NHLH1: variants seen among roughly 807,000 people sequenced by gnomAD.
NHLH1 encodes the protein helix-loop-helix protein 1.
In NHLH1, 3 loss-of-function variants were observed where a neutral mutation model predicts 6.7. That is an observed-to-expected ratio of 0.44 (90% confidence interval 0.20 to 1.15). NHLH1 has a LOEUF of 1.15. Among genes scored for constraint, NHLH1 ranks in the 50% most tolerant of loss-of-function variants. The pLI, the probability that NHLH1 is intolerant of heterozygous loss-of-function variation, is 0.26. For synonymous variants in NHLH1, 92 were observed against 84.2 expected (o/e 1.09, Z -0.51); for missense variants, 177 against 189.5 (o/e 0.93, Z 0.39).
rs754147376 is a variant in NHLH1, at chr1:160,370,923, G to A, written c.192G>A (p.Glu64=). 2 of 1,608,594 alleles carry A rather than the reference G, an allele frequency of 1.2e-6. No homozygotes were observed. Among genetic ancestry groups the A allele is most frequent in the South Asian group, 2.2e-5 (2 of 90,738 alleles). The change falls in exon 2 of 2, where the codon GAG becomes GAA. Residue 64 remains glutamate, a synonymous_variant. Coordinates refer to ENST00000302101, the MANE Select transcript of NHLH1 (RefSeq NM_005598.4). ...AAGACCTGCAGCATCTGAGCCGCGA[G>A]GAGCGCCGGCGCCGGCGCCGCGCCA... The part of the protein sequence containing the change: ...GRKDLQHLSR[E]ERRRRRRATA...
chr1:160,368,568 G>C lies in NHLH1; in HGVS notation c.-176+1231G>C, dbSNP rs370994957. Among the ~76,000 whole-genome samples, 3 of 152,332 alleles carry C rather than the reference G, an allele frequency of 2.0e-5. No homozygotes were observed. The East Asian group carries it at 5.8e-4, about 29-fold the overall frequency. On this transcript the variant is annotated intron_variant, in intron 1 of 1. Coordinates refer to ENST00000302101, the MANE Select transcript of NHLH1 (RefSeq NM_005598.4). ...GGCTGAAAATTTCGAAGACAGAGGT[G>C]GAGGAAGAGGCTGGTTGTGCACAGT...
Position 160,370,861 on chromosome 1 carries a change from C to G in NHLH1, c.130C>G (p.Gln44Glu), listed in dbSNP as rs1328090711. ...CGGGCCTGGGGGTCCGGGAGGGGGC[C>G]AGGCCCGAGGCCCAGAGCCGGGAGA... ...GAGPGGPGGG[Q>E]ARGPEPGEPG... is the part of the protein sequence containing the mutation. Residue 44 changes from glutamine to glutamate, a missense_variant, in exon 2 of 2, where the codon CAG becomes GAG. Coordinates refer to ENST00000302101, the MANE Select transcript of NHLH1 (RefSeq NM_005598.4). 2 of 1,605,676 alleles carry G rather than the reference C, an allele frequency of 1.2e-6. No homozygotes were observed. Among genetic ancestry groups the G allele is most frequent in the Non-Finnish European group, 1.7e-6 (2 of 1,176,628 alleles).
At chr1:160,367,969 A>C (rs931775450) in intron 1 of NHLH1, among the ~76,000 whole-genome samples, 2 of 152,062 alleles carry the variant, frequency 1.3e-5, no homozygotes, top group Admixed American at 1.3e-4. Flanking sequence ...CAGAATATGG[A>C]ATGTGTTCTC....
intron 1 of NHLH1, among the ~76,000 whole-genome samples, chr1:160,369,074 T>C (rs1036325552): frequency 9.9e-5 from 15 of 152,248 alleles, no homozygotes; most frequent in Non-Finnish European, 1.8e-4. Context: ...TGTATAATTC[T>C]ATACCCACTA....
At chr1:160,368,668 G>A (rs1179963422) in intron 1 of NHLH1, among the ~76,000 whole-genome samples, 1 of 152,192 alleles carries the variant, frequency 6.6e-6, no homozygotes, top group Non-Finnish European at 1.5e-5. Context: ...GTTCTGCTGG[G>A]AAGGTTTGGG....
Position 160,370,642 on chromosome 1 carries a change from C to T in NHLH1, c.-90C>T, listed in dbSNP as rs1411058971. 71 of 1,369,468 alleles carry T rather than the reference C, an allele frequency of 5.2e-5. No homozygotes were observed. In the East Asian group the frequency reaches 1.7e-3, roughly 33 times the overall value. The allele number at this position is 1,369,468 out of a possible 1,614,324, so 84.8% of individuals were successfully genotyped here. A position where few individuals can be genotyped will look rare whatever the true frequency, so the allele number is the denominator to read the frequency against. On this transcript the variant is annotated 5_prime_UTR_variant, in exon 2 of 2. Transcript: ENST00000302101. ...GGCAGACCCCACGACCCTTCCTCCC[C>T]CTTCCTCCCCCTCCCACCACCAGCT...
In NHLH1 at chr1:160,370,842, T is replaced by C; in HGVS notation, c.111T>C (p.Pro37=). The C allele has an allele frequency of 6.3e-7, 1 of 1,597,402 alleles. No homozygotes were observed. The highest frequency in any genetic ancestry group is 8.5e-7 in the Non-Finnish European group (1 of 1,172,946). ...GGGCGGGCCCTGATGGTGCCGGGCC[T>C]GGGGGTCCGGGAGGGGGCCAGGCCC... ...GGGAGPDGAG[P]GGPGGGQARG... is the part of the protein sequence containing the mutation. Residue 37 remains proline (P), a synonymous_variant, in exon 2 of 2, where the codon CCT becomes CCC. Transcript: ENST00000302101.
At position 160,370,596 on chromosome 1, in the gene NHLH1, C is replaced by T; in HGVS notation, c.-136C>T. 1.3e-6 allele frequency: 1 copy of T among 749,470 alleles called. No individual in the cohort carries two copies. The highest frequency in any genetic ancestry group is 2.2e-6 in the Non-Finnish European group (1 of 460,682). The allele number at this position is 749,470 out of a possible 1,614,324, so 46.4% of individuals were successfully genotyped here. A position where few individuals can be genotyped will look rare whatever the true frequency, so the allele number is the denominator to read the frequency against. ...CCCTGACCATGGAACCCTGAAGTGG[C>T]AGTGACTTCTAGAGCTCAGTGGCAG... On this transcript the variant is annotated 5_prime_UTR_variant, in exon 2 of 2. Coordinates refer to ENST00000302101, the MANE Select transcript of NHLH1 (RefSeq NM_005598.4).
chr1:160,367,203 A>G lies in NHLH1; in HGVS notation c.-310A>G, dbSNP rs1304203660. 1.3e-5 allele frequency: 2 copies of G among 152,502 alleles called. No homozygotes were observed. Among genetic ancestry groups the G allele is most frequent in the African/African-American group, 4.8e-5 (2 of 41,428 alleles). 9.4% of individuals were successfully genotyped at this position (152,502 alleles called of 1,614,324 possible). ...GCCCTGGAGCCTGTACAGCCATGCC[A>G]CGCTACCCCTGAGAGTCTAGAAAGC... is the stretch of plus-strand genomic sequence containing the variant. On this transcript the variant is annotated 5_prime_UTR_variant, in exon 1 of 2. Transcript: ENST00000302101.
rs147825135 is a variant in NHLH1, at chr1:160,371,116, C to T, written c.385C>T (p.His129Tyr). 1.2e-4 allele frequency: 187 copies of T among 1,610,662 alleles called. No individual in the cohort carries two copies. Among genetic ancestry groups the T allele is most frequent in the Non-Finnish European group, 1.5e-4 (181 of 1,178,188 alleles). Residue 129 changes from histidine (H) to tyrosine (Y), a missense_variant, in exon 2 of 2, where the codon CAC becomes TAC. His to Tyr is a moderately conservative substitution (Grantham distance 83). Transcript: ENST00000302101. ...CATCTGCTATATCTCCTACCTGAAC[C>T]ACGTGCTGGACGTCTGAACTCAGCC... ...LAICYISYLNHVLDV is the reference protein window; with the variant it reads ...LAICYISYLNYVLDV
At chr1:160,370,312 T>G (rs1244135450) in intron 1 of NHLH1, among the ~76,000 whole-genome samples, 1 of 152,024 alleles carries the variant, frequency 6.6e-6, no homozygotes, top group Non-Finnish European at 1.5e-5. Context: ...TTCTGTTCCT[T>G]TCCTGTTACT....
Position 160,370,891 on chromosome 1 carries a change from G to C in NHLH1, c.160G>C (p.Gly54Arg). 1 of 1,607,118 alleles carries C rather than the reference G, an allele frequency of 6.2e-7. No homozygotes were observed. Among genetic ancestry groups the C allele is most frequent in the Non-Finnish European group, 8.5e-7 (1 of 1,176,852 alleles). The stretch of plus-strand genomic sequence containing the variant: ...CCGAGGCCCAGAGCCGGGAGAGCCT[G>C]GCCGGAAAGACCTGCAGCATCTGAG... ...QARGPEPGEP[G>R]RKDLQHLSRE... Residue 54 changes from glycine (G) to arginine (R), a missense_variant, in exon 2 of 2, where the codon GGC becomes CGC. Gly to Arg is a moderately radical substitution (Grantham distance 125). Transcript: ENST00000302101.
At chr1:160,368,339 C>T (rs570266402) in intron 1 of NHLH1, among the ~76,000 whole-genome samples, 11 of 152,326 alleles carry the variant, frequency 7.2e-5, no homozygotes, top group African/African-American at 2.6e-4. Context: ...GTTTGTGCTG[C>T]CTTGCCCTGA....
chr1:160,370,630 ACCCTTCCTCC>A lies in NHLH1; in HGVS notation c.-87_-78del, dbSNP rs886530141. On this transcript the variant is annotated 5_prime_UTR_variant, in exon 2 of 2. Transcript: ENST00000302101. Reference sequence around the variant, plus strand: ...CTAGAGCTCAGTGGCAGACCCCACGACCCTTCCTCCCCCTTCCTCCCCCTCCCACCACCAG... The same window carrying A: ...CTAGAGCTCAGTGGCAGACCCCACGACCCTTCCTCCCCCTCCCACCACCAG... 1.3e-5 allele frequency: 16 copies of A among 1,196,580 alleles called. No homozygotes were observed. Among genetic ancestry groups the A allele is most frequent in the African/African-American group, 7.6e-5 (5 of 66,170 alleles). The allele number at this position is 1,196,580 out of a possible 1,614,324, so 74.1% of individuals were successfully genotyped here.
chr1:160,368,720 G>A (rs1649553928), intron 1 of NHLH1, among the ~76,000 whole-genome samples: 1 of 152,198 alleles, frequency 6.6e-6, no homozygotes, highest in South Asian at 2.1e-4. Flanking sequence ...CAGCTGCGCA[G>A]AGCTCCATAT....
At position 160,372,330 on chromosome 1, in the gene NHLH1, A is replaced by G. The variant is rs1481110912; in HGVS notation, c.*1197A>G. 6.0e-6 allele frequency: 1 copy of G among 165,724 alleles called. No individual in the cohort carries two copies. The highest frequency in any genetic ancestry group is 6.6e-5 in the Admixed American group (1 of 15,130). The allele number at this position is 165,724 out of a possible 1,614,324, so 10.3% of individuals were successfully genotyped here. ...CTCGCACCAAACTCCTAGCTCTACA[A>G]GTATATTTATTTATTTATTTATTTA... is the stretch of plus-strand genomic sequence containing the variant. On this transcript the variant is annotated 3_prime_UTR_variant, in exon 2 of 2. Coordinates refer to ENST00000302101, the MANE Select transcript of NHLH1 (RefSeq NM_005598.4).
intron 1 of NHLH1, among the ~76,000 whole-genome samples, chr1:160,368,151 G>C (rs1571218276): frequency 6.6e-6 from 1 of 152,194 alleles, no homozygotes; most frequent in African/African-American, 2.4e-5. Context: ...TAACCCCTTT[G>C]AGAGTATCTA....
rs1489473297 is a variant in NHLH1, at chr1:160,371,329, C to T, written c.*196C>T. On this transcript the variant is annotated 3_prime_UTR_variant, in exon 2 of 2. Transcript: ENST00000302101. ...ACCCAGGCACCTCGAGGGCTATTCTCCTGGGTTCCTTCCGGGGTTTATTGC... is the reference window on the plus strand; with the variant it reads ...ACCCAGGCACCTCGAGGGCTATTCTTCTGGGTTCCTTCCGGGGTTTATTGC... 1.2e-6 allele frequency: 1 copy of T among 819,398 alleles called. No homozygotes were observed. 50.8% of individuals were successfully genotyped at this position (819,398 alleles called of 1,614,324 possible). A position where few individuals can be genotyped will look rare whatever the true frequency, so the allele number is the denominator to read the frequency against.
intron 1 of NHLH1, among the ~76,000 whole-genome samples, chr1:160,367,658 C>T (rs1047664518): frequency 4.0e-5 from 6 of 151,880 alleles, no homozygotes; most frequent in East Asian, 1.9e-4. Flanking sequence ...AAGCTGCTGC[C>T]GGGACTGGAA....
Sources: allele counts gnomAD v4.1 joint callset (sites outside exome capture counted in the v4.1 genomes callset), GRCh38; gene constraint gnomAD v4.1.1; transcripts MANE v1.5; gene names NCBI Gene and HGNC (gene_info 2026-07-23, HGNC 2026-07-21).